The following TMEM108 variants were observed in gnomAD, a reference collection of about 807,000 sequenced individuals.
TMEM108 encodes the protein cancer/testis antigen 124.
A neutral mutation model predicts 35.1 loss-of-function variants in TMEM108; 12 were observed. That is an observed-to-expected ratio of 0.34 (90% CI 0.22 to 0.55). The LOEUF is 0.55. TMEM108 is among the 20% of genes least tolerant of loss of function. TMEM108 has a pLI of 0.89. For synonymous variants in TMEM108, 287 were observed against 308.6 expected (o/e 0.93, Z 0.73); for missense variants, 680 against 753.3 (o/e 0.90, Z 1.14).
chr3:133,242,559 G>A (rs953197676), intron 3 of TMEM108, among the ~76,000 whole-genome samples: 6 of 152,204 alleles, frequency 3.9e-5, no homozygotes, highest in African/African-American at 1.4e-4. Flanking sequence ...CTATAGGCAT[G>A]TGAGCTTCAG....
intron 3 of TMEM108, among the ~76,000 whole-genome samples, chr3:133,369,957 T>A (rs1003586539): frequency 1.3e-5 from 2 of 152,184 alleles, no homozygotes; most frequent in African/African-American, 4.8e-5. Context: ...TGCACCATTT[T>A]AAAAATATAT....
intron 2 of TMEM108, among the ~76,000 whole-genome samples, chr3:133,205,800 A>G (rs1945744132): frequency 1.3e-5 from 2 of 152,074 alleles, no homozygotes; most frequent in Non-Finnish European, 2.9e-5. Flanking sequence ...CTCAAGGAGT[A>G]TCTTTGTGGT....
chr3:133,073,534 A>ATC (rs1553729976), intron 2 of TMEM108, among the ~76,000 whole-genome samples: 2 of 133,754 alleles, frequency 1.5e-5, no homozygotes, highest in East Asian at 4.2e-4. Flanking sequence ...ATATATATAT[A>ATC]TCACATTTTC....
At chr3:133,235,653 T>C (rs1946225252) in intron 3 of TMEM108, among the ~76,000 whole-genome samples, 1 of 152,122 alleles carries the variant, frequency 6.6e-6, no homozygotes, top group African/African-American at 2.4e-5. Flanking sequence ...AATGCCAGCT[T>C]TCTTACTGGC....
intron 3 of TMEM108, among the ~76,000 whole-genome samples, chr3:133,243,929 G>C (rs1481404464): frequency 1.3e-5 from 2 of 152,106 alleles, no homozygotes; most frequent in Non-Finnish European, 2.9e-5. Flanking sequence ...AGGTTTCCCA[G>C]GAATAACTGA....
intron 2 of TMEM108, among the ~76,000 whole-genome samples, chr3:133,210,213 A>C (rs1446592510): frequency 6.6e-6 from 1 of 152,162 alleles, no homozygotes; most frequent in Non-Finnish European, 1.5e-5. Flanking sequence ...AGGATGGAGT[A>C]AGGATTCCTG....
chr3:133,190,972 T>C (rs761392483), intron 2 of TMEM108, among the ~76,000 whole-genome samples: 4 of 152,026 alleles, frequency 2.6e-5, no homozygotes, highest in Non-Finnish European at 5.9e-5. Flanking sequence ...GTCAGAGTTA[T>C]TGAAGAGCTG....
At chr3:133,313,821 G>A (rs1256075163) in intron 3 of TMEM108, among the ~76,000 whole-genome samples, 1 of 151,992 alleles carries the variant, frequency 6.6e-6, no homozygotes, top group Admixed American at 6.6e-5. Context: ...GAAAAGAGAG[G>A]AACTGCTCTT....
At chr3:133,052,326 A>G (rs955973694) in intron 2 of TMEM108, among the ~76,000 whole-genome samples, 1 of 152,044 alleles carries the variant, frequency 6.6e-6, no homozygotes, top group African/African-American at 2.4e-5. Flanking sequence ...TTTGTATATT[A>G]TTCTAGTATC....
At chr3:133,194,976 T>C (rs1296935634) in intron 2 of TMEM108, among the ~76,000 whole-genome samples, 1 of 152,220 alleles carries the variant, frequency 6.6e-6, no homozygotes, top group Non-Finnish European at 1.5e-5. Context: ...TATTTAAACA[T>C]CCATTATGTA....
intron 2 of TMEM108, among the ~76,000 whole-genome samples, chr3:133,048,900 C>A (rs1943370538): frequency 6.6e-6 from 1 of 152,152 alleles, no homozygotes. Flanking sequence ...AGTTTTTGTT[C>A]TAGTACTACT....
intron 3 of TMEM108, among the ~76,000 whole-genome samples, chr3:133,314,614 C>T (rs1014434609): frequency 8.5e-5 from 13 of 152,332 alleles, no homozygotes; most frequent in African/African-American, 2.6e-4. Context: ...CACCTGAGAG[C>T]TGTAATGTGC....
chr3:133,379,590 C>A, intron 3 of TMEM108, 162 bp from the exon 4 acceptor site: 1 of 707,974 alleles, frequency 1.4e-6, no homozygotes, highest in Non-Finnish European at 2.4e-6. Context: ...TGCCCCAGCT[C>A]CACAGACAGT....
chr3:133,063,054 T>C (rs535040182), intron 2 of TMEM108, among the ~76,000 whole-genome samples: 1 of 152,302 alleles, frequency 6.6e-6, no homozygotes, highest in African/African-American at 2.4e-5. Context: ...GTTGGAGGTC[T>C]CCCTGGGGTC....
rs532834464 is a variant in TMEM108 at position 133,380,991 on chromosome 3, G to T, written c.1280G>T (p.Gly427Val). The T allele has an allele frequency of 8.7e-6, 14 of 1,614,190 alleles. No homozygotes were observed. Among genetic ancestry groups the T allele is most frequent in the African/African-American group, 1.3e-5 (1 of 75,050 alleles). ...TCCACAGTGGTATCCACAGCCACAG[G>T]CAATTTCCTCAACCGCCTGGTCCCC... Reference protein sequence around the residue: ...PLSTVVSTATGNFLNRLVPAG... With the variant: ...PLSTVVSTATVNFLNRLVPAG... Residue 427 changes from glycine (G) to valine (V), a missense_variant, in exon 4 of 6, where the codon GGC becomes GTC. By Grantham distance (109) the Gly-to-Val change is moderately radical. Coordinates refer to ENST00000321871, the MANE Select transcript of TMEM108 (RefSeq NM_023943.4). This position sits in a 1 kb window ranked among gnomAD's most constrained non-coding sequence, Gnocchi z 5.3.
intron 2 of TMEM108, among the ~76,000 whole-genome samples, chr3:133,060,991 A>G (rs920790179): frequency 2.0e-5 from 3 of 152,178 alleles, no homozygotes; most frequent in African/African-American, 7.2e-5. Context: ...ATTTGTTTTT[A>G]ATGGAAGGAT....
chr3:133,203,334 A>G (rs113098330), intron 2 of TMEM108, among the ~76,000 whole-genome samples: 2,286 of 152,256 alleles, frequency 0.015, 77 homozygotes, highest in African/African-American at 0.051. Flanking sequence ...ACTATGTTGA[A>G]CAGGAGTGGT....
At chr3:133,202,659 T>C (rs1053603672) in intron 2 of TMEM108, among the ~76,000 whole-genome samples, 7 of 152,208 alleles carry the variant, frequency 4.6e-5, no homozygotes, top group Non-Finnish European at 1.0e-4. Context: ...TATATATCTG[T>C]TTTGGTACTA....
chr3:133,142,533 G>A (rs1456640061), intron 2 of TMEM108, among the ~76,000 whole-genome samples: 3 of 152,132 alleles, frequency 2.0e-5, no homozygotes, highest in Admixed American at 2.0e-4. Context: ...GCTGCACCAG[G>A]CTGCTGCTAT....
Sources: gnomAD v4.1 joint callset for allele counts (sites outside exome capture counted in the v4.1 genomes callset) on GRCh38, gnomAD v4.1.1 for gene constraint, Gnocchi (gnomAD v3.1) non-coding constraint, MANE v1.5 for transcripts, NCBI Gene and HGNC (gene_info 2026-07-23, HGNC 2026-07-21) for gene names.